Variants in SHPK observed in about 807,000 individuals in gnomAD.
The protein encoded by SHPK is sedoheptulokinase, also known as carbohydrate kinase-like protein.
A neutral mutation model predicts 46.3 loss-of-function variants in SHPK; 51 were observed. That is an observed-to-expected ratio of 1.10 (90% confidence interval 0.88 to 1.39). The LOEUF is 1.39. Among genes scored for constraint, SHPK ranks in the 40% most tolerant of loss-of-function variants. SHPK has a pLI of 0.00. For missense variants in SHPK, 668 were observed against 641.3 expected (o/e 1.04, Z -0.45); for synonymous variants, 290 against 273.9 (o/e 1.06, Z -0.58).
chr17:3,611,154 G>T (rs753990053), intron 6 of SHPK, among the ~76,000 whole-genome samples, 182 bp from the exon 7 acceptor site: 2 of 152,176 alleles, frequency 1.3e-5, no homozygotes, highest in Admixed American at 1.3e-4. Flanking sequence ...CTGGATCCCC[G>T]CCCGCTGTCT....
intron 4 of SHPK, 103 bp from the exon 5 acceptor site, chr17:3,621,515 C>G: frequency 9.2e-7 from 1 of 1,085,056 alleles, no homozygotes; most frequent in South Asian, 1.5e-5. Context: ...TTCCTCCCTC[C>G]CTTCTTCCTT....
intron 5 of SHPK, among the ~76,000 whole-genome samples, chr17:3,618,493 C>A (rs1260520333): frequency 6.6e-6 from 1 of 152,050 alleles, no homozygotes; most frequent in East Asian, 1.9e-4. Flanking sequence ...TATAAAAATT[C>A]ATTCATGGCT....
Position 3,610,382 on chromosome 17 carries a change from TG to T in SHPK, c.*177del. 1.5e-6 allele frequency: 1 copy of T among 650,822 alleles called. No homozygotes were observed. Among genetic ancestry groups the T allele is most frequent in the Non-Finnish European group, 2.6e-6 (1 of 389,500 alleles). The allele number at this position is 650,822 out of a possible 1,614,324, so 40.3% of individuals were successfully genotyped here. ...CATTTGGGATCTGGCTGACGGCTCCTGGCTGCATTATTAGAGTATGTTCTGA... is the reference window on the plus strand; with the variant it reads ...CATTTGGGATCTGGCTGACGGCTCCTGCTGCATTATTAGAGTATGTTCTGA... On this transcript the variant is annotated 3_prime_UTR_variant, in exon 7 of 7. Coordinates refer to ENST00000225519, the MANE Select transcript of SHPK (RefSeq NM_013276.4).
intron 2 of SHPK, among the ~76,000 whole-genome samples, chr17:3,628,692 A>G (rs2075453056): frequency 6.6e-6 from 1 of 152,102 alleles, no homozygotes; most frequent in East Asian, 1.9e-4. Context: ...TCTGTAGCCC[A>G]TGCTGGAGTG....
intron 1 of SHPK, among the ~76,000 whole-genome samples, chr17:3,631,483 A>T (rs538662276): frequency 6.7e-6 from 1 of 150,226 alleles, no homozygotes; most frequent in Non-Finnish European, 1.5e-5. Flanking sequence ...ATTTAGTATG[A>T]CAAAAAATAT....
Position 3,621,342 on chromosome 17 carries a change from T to G in SHPK, c.718A>C (p.Thr240Pro). 2.5e-6 allele frequency: 4 copies of G among 1,614,128 alleles called. No individual in the cohort carries two copies. Among genetic ancestry groups the G allele is most frequent in the Non-Finnish European group, 3.4e-6 (4 of 1,180,020 alleles). Residue 240 changes from threonine to proline, a missense_variant, in exon 5 of 7, where the codon ACT becomes CCT. Transcript: ENST00000225519. ...IAEPGSVAGRTSHMWFEIPKG... is the reference protein window; with the variant it reads ...IAEPGSVAGRPSHMWFEIPKG... ...GGGATTTCAAACCACATGTGGGAAG[T>G]TCTGCCCGCCACACTGCCAGGCTCG...
At chr17:3,633,893 A>G (rs553526673) in intron 1 of SHPK, among the ~76,000 whole-genome samples, 173 of 151,878 alleles carry the variant, frequency 1.1e-3, no homozygotes, top group African/African-American at 3.9e-3. Context: ...AGAAGTAGAC[A>G]TGGGAGACTT....
chr17:3,634,698 T>C (rs895941390), intron 1 of SHPK, among the ~76,000 whole-genome samples: 8 of 151,982 alleles, frequency 5.3e-5, no homozygotes, highest in Admixed American at 2.6e-4. Context: ...TTGCCTCCAA[T>C]TCATAGTCCT....
At chr17:3,633,578 G>A (rs938358750) in intron 1 of SHPK, among the ~76,000 whole-genome samples, 8 of 152,070 alleles carry the variant, frequency 5.3e-5, no homozygotes, top group Non-Finnish European at 8.8e-5. Flanking sequence ...GTGTGGGGGG[G>A]TTAATGACTG....
At chr17:3,619,371 T>G (rs955454646) in intron 5 of SHPK, 1 of 1,518,840 alleles carries the variant, frequency 6.6e-7, no homozygotes, top group African/African-American at 1.4e-5. Flanking sequence ...ATTGAACCAT[T>G]CCGGGTGATG....
At chr17:3,615,874 A>G in intron 5 of SHPK, among the ~76,000 whole-genome samples, 1 of 99,058 alleles carries the variant, frequency 1.0e-5, no homozygotes, top group Non-Finnish European at 1.9e-5. Context: ...TTTTTTTTTG[A>G]GACAGAGTCT....
intron 5 of SHPK, chr17:3,620,011 T>C (rs2075390825): frequency 5.0e-6 from 1 of 200,402 alleles, no homozygotes; most frequent in Non-Finnish European, 1.0e-5. Flanking sequence ...GCATTCCCAT[T>C]TCAGTGTCTA....
intron 2 of SHPK, among the ~76,000 whole-genome samples, chr17:3,628,700 G>A (rs966502011): frequency 6.6e-6 from 1 of 152,138 alleles, no homozygotes; most frequent in African/African-American, 2.4e-5. Flanking sequence ...CCATGCTGGA[G>A]TGCAGTGGAG....
chr17:3,635,974 G>A lies in SHPK; in HGVS notation c.168+78C>T, dbSNP rs1046157520. The A allele has an allele frequency of 4.9e-5, 67 of 1,379,622 alleles. No individual in the cohort carries two copies. The African/African-American group carries it at 9.3e-4, about 19-fold the overall frequency. 85.5% of individuals were successfully genotyped at this position (1,379,622 alleles called of 1,614,324 possible). A position where few individuals can be genotyped will look rare whatever the true frequency, so the allele number is the denominator to read the frequency against. The stretch of plus-strand genomic sequence containing the variant: ...TAGAGACTTCATTGCGGGAAGGGCT[G>A]TCAGGGAGGCCTCCTGGGGTGGAAA... On this transcript the variant is annotated intron_variant, in intron 1 of 6. Transcript: ENST00000225519.
chr17:3,620,754 T>C (rs893939524), intron 5 of SHPK, among the ~76,000 whole-genome samples: 18 of 151,384 alleles, frequency 1.2e-4, no homozygotes, highest in Non-Finnish European at 2.5e-4. Context: ...AGAGACAGGG[T>C]TTCACCATCT....
At chr17:3,615,261 G>T (rs1597568157) in intron 6 of SHPK, 76 bp downstream of exon 6, 4 of 1,428,546 alleles carry the variant, frequency 2.8e-6, no homozygotes, top group Admixed American at 1.7e-5. Flanking sequence ...CGCACATGAA[G>T]CTCCGTGAAG....
chr17:3,618,211 A>G (rs1224783356), intron 5 of SHPK, among the ~76,000 whole-genome samples: 1 of 151,932 alleles, frequency 6.6e-6, no homozygotes, highest in Admixed American at 6.6e-5. Context: ...GATTCAAGCA[A>G]TTCTCTGCCT....
chr17:3,612,155 G>A (rs961677740), intron 6 of SHPK, among the ~76,000 whole-genome samples: 1 of 151,676 alleles, frequency 6.6e-6, no homozygotes, highest in Non-Finnish European at 1.5e-5. Flanking sequence ...GGCCAAGCGC[G>A]GTGGCTTACG....
chr17:3,631,968 C>CT (rs1021426452), intron 1 of SHPK, among the ~76,000 whole-genome samples: 7 of 151,122 alleles, frequency 4.6e-5, no homozygotes, highest in African/African-American at 9.7e-5. Flanking sequence ...GGTTACATTT[C>CT]TTTTTTTTTG....
Sources: gnomAD v4.1 joint callset for allele counts (sites outside exome capture counted in the v4.1 genomes callset) on GRCh38, gnomAD v4.1.1 for gene constraint, MANE v1.5 for transcripts, NCBI Gene and HGNC (gene_info 2026-07-23, HGNC 2026-07-21) for gene names.